Variants in PRPF18 observed in about 807,000 individuals in gnomAD.
PRPF18 encodes the protein pre-mRNA processing factor 18, also known as pre-mRNA-splicing factor 18.
PRPF18 carries 38 observed loss-of-function variants against 46.5 expected under a neutral mutation model. The ratio of observed to expected loss-of-function variants is 0.82; its 90% CI spans 0.63 to 1.07. The LOEUF (loss-of-function observed/expected upper bound fraction) is 1.07. Among genes scored for constraint, PRPF18 ranks in the 50% least tolerant of loss-of-function variants. The pLI is 0.00. For synonymous variants in PRPF18, 152 were observed against 146.7 expected, an observed-to-expected ratio of 1.04 and a Z score of -0.26; for missense variants, 263 against 410.0, an observed-to-expected ratio of 0.64 and a Z score of 3.10.
the PRPF18 span, chr10:13,652,525 T>C: frequency 6.4e-6 from 1 of 155,708 alleles, no homozygotes; most frequent in Non-Finnish European, 1.4e-5. Context: ...TGTCATTCTT[T>C]TATGAGTTAA....
chr10:13,625,731 G>A (rs7089227), intron 9 of PRPF18, among the ~76,000 whole-genome samples: 2 of 152,130 alleles, frequency 1.3e-5, no homozygotes, highest in Non-Finnish European at 1.5e-5. Flanking sequence ...CAGAGAAAAG[G>A]TCGCTTACAA....
downstream of PRPF18, among the ~76,000 whole-genome samples, chr10:13,633,860 C>T (rs1300416953): frequency 6.6e-6 from 1 of 152,192 alleles, no homozygotes; most frequent in East Asian, 1.9e-4. Context: ...CAAGAGCTTC[C>T]AGCTGTCCAG....
intron 9 of PRPF18, among the ~76,000 whole-genome samples, chr10:13,624,938 A>G (rs1201334018): frequency 6.6e-6 from 1 of 152,234 alleles, no homozygotes. Flanking sequence ...ATTTGGAGAA[A>G]GTCTCCAACA....
At chr10:13,623,796 T>C (rs2080455510) in intron 9 of PRPF18, among the ~76,000 whole-genome samples, 1 of 152,212 alleles carries the variant, frequency 6.6e-6, no homozygotes, top group Non-Finnish European at 1.5e-5. Context: ...TCTCCGGATA[T>C]AAAGAACTTT....
intron 9 of PRPF18, among the ~76,000 whole-genome samples, chr10:13,620,820 C>T (rs2080411004): frequency 6.6e-6 from 1 of 152,140 alleles, no homozygotes; most frequent in Non-Finnish European, 1.5e-5. Context: ...CTCTGTAGAA[C>T]TTAAACAATG....
downstream of PRPF18, among the ~76,000 whole-genome samples, chr10:13,634,605 TA>T (rs1258741045): frequency 4.6e-5 from 7 of 152,220 alleles, no homozygotes; most frequent in African/African-American, 1.4e-4. Context: ...CCTGCCTTTC[TA>T]AGTTTGGCCA....
At chr10:13,640,141 A>G in the PRPF18 span, 3 of 152,292 alleles carry the variant, frequency 2.0e-5, no homozygotes, top group Non-Finnish European at 2.9e-5. Flanking sequence ...CACGCCTGAG[A>G]GGTTTCACTC....
the PRPF18 span, chr10:13,647,834 A>G: frequency 6.6e-6 from 1 of 151,920 alleles, no homozygotes; most frequent in Non-Finnish European, 1.5e-5. Context: ...GTGGAAGCCA[A>G]TAGTCATTAC....
downstream of PRPF18, among the ~76,000 whole-genome samples, chr10:13,632,409 T>G (rs545623657): frequency 6.6e-6 from 1 of 152,202 alleles, no homozygotes; most frequent in Admixed American, 6.5e-5. Flanking sequence ...AGACAGACTT[T>G]CGTAAGATAT....
At chr10:13,615,536 T>TTTTAAA (rs2080326535) in intron 8 of PRPF18, among the ~76,000 whole-genome samples, 1 of 152,212 alleles carries the variant, frequency 6.6e-6, no homozygotes, top group Admixed American at 6.5e-5. Flanking sequence ...CCAGCTACCC[T>TTTTAAA]ATCTGTAGTA....
chr10:13,650,854 G>A, the PRPF18 span, among the ~76,000 whole-genome samples: 1 of 152,080 alleles, frequency 6.6e-6, no homozygotes, highest in Admixed American at 6.6e-5. Flanking sequence ...CTCCTCCCAC[G>A]GCAGGCTTCT....
intron 1 of PRPF18, among the ~76,000 whole-genome samples, chr10:13,594,908 A>T (rs192320906): frequency 6.1e-4 from 93 of 152,340 alleles, no homozygotes; most frequent in Non-Finnish European, 1.1e-3. Flanking sequence ...AAACCATTCT[A>T]CTTTAGTATG....
At chr10:13,648,721 G>A in the PRPF18 span, 8 of 152,222 alleles carry the variant, frequency 5.3e-5, no homozygotes, top group East Asian at 3.8e-4. Context: ...GTTTGCTTAC[G>A]CTTGTTGAAC....
At chr10:13,589,103 A>G (rs2079920087) in intron 1 of PRPF18, among the ~76,000 whole-genome samples, 1 of 152,232 alleles carries the variant, frequency 6.6e-6, no homozygotes, top group Admixed American at 6.5e-5. Context: ...GGAAACTGTC[A>G]GGCTCCTGAT....
the PRPF18 span, chr10:13,651,022 T>C: frequency 6.6e-6 from 1 of 152,242 alleles, no homozygotes; most frequent in South Asian, 2.1e-4. Context: ...GCAATTTGAT[T>C]TCAAGCCCTT....
chr10:13,626,026 G>A (rs2080498759), intron 9 of PRPF18, among the ~76,000 whole-genome samples: 1 of 152,204 alleles, frequency 6.6e-6, no homozygotes, highest in South Asian at 2.1e-4. Flanking sequence ...TCCCTGTTTT[G>A]TAAGTGGGGA....
the PRPF18 span, chr10:13,654,670 G>A: frequency 3.3e-6 from 2 of 605,764 alleles, no homozygotes; most frequent in Non-Finnish European, 5.9e-6. Flanking sequence ...GCATCCCTAT[G>A]GCATGGTCAC....
chr10:13,618,696 C>T (rs1439304288), intron 9 of PRPF18, among the ~76,000 whole-genome samples: 1 of 151,166 alleles, frequency 6.6e-6, no homozygotes, highest in African/African-American at 2.4e-5. Context: ...ATGATATGGC[C>T]ACCTAATAAC....
the PRPF18 span, chr10:13,643,502 C>T: frequency 6.6e-6 from 1 of 152,328 alleles, no homozygotes; most frequent in South Asian, 2.1e-4. Context: ...CAGAAGGAAA[C>T]TAGAATAAGA....
Sources: allele counts gnomAD v4.1 joint callset (sites outside exome capture counted in the v4.1 genomes callset), GRCh38; gene constraint gnomAD v4.1.1; transcripts MANE v1.5; gene names NCBI Gene and HGNC (gene_info 2026-07-23, HGNC 2026-07-21).